LRRK1: variants seen among roughly 807,000 people sequenced by gnomAD.
LRRK1 encodes leucine rich repeat kinase 1.
LRRK1 carries 113 observed loss-of-function variants against 209.1 expected under a neutral mutation model. The observed-to-expected ratio is 0.54, with a 90% CI of 0.46 to 0.63. The LOEUF is 0.63. Among genes scored for constraint, LRRK1 ranks in the 30% least tolerant of loss-of-function variants. LRRK1 has a pLI of 0.00. For missense variants in LRRK1, 2,284 were observed against 2,632.2 expected, an observed-to-expected ratio of 0.87 and a Z score of 2.89; for synonymous variants, 1,144 against 1,099.7, an observed-to-expected ratio of 1.04 and a Z score of -0.80.
chr15:100,970,662 C>A (rs1403403495), intron 2 of LRRK1, among the ~76,000 whole-genome samples: 1 of 152,180 alleles, frequency 6.6e-6, no homozygotes, highest in East Asian at 1.9e-4. Flanking sequence ...TATTCTAGGT[C>A]TTTCAAATTT....
intron 2 of LRRK1, among the ~76,000 whole-genome samples, chr15:100,929,035 G>A (rs2042163239): frequency 1.3e-5 from 2 of 152,204 alleles, no homozygotes; most frequent in South Asian, 4.1e-4. Flanking sequence ...ATGAGATGCT[G>A]GGCATGGGCT....
chr15:101,038,749 C>T (rs1350410284), intron 20 of LRRK1, among the ~76,000 whole-genome samples: 1 of 152,220 alleles, frequency 6.6e-6, no homozygotes, highest in East Asian at 1.9e-4. Flanking sequence ...TTTGCCTCTT[C>T]TCAGTGTCAG....
intron 2 of LRRK1, among the ~76,000 whole-genome samples, chr15:100,967,349 T>C (rs965081545): frequency 6.6e-6 from 1 of 152,240 alleles, no homozygotes; most frequent in South Asian, 2.1e-4. Flanking sequence ...GACACAGCAA[T>C]TCTGTGTTGG....
chr15:100,946,549 A>C (rs2042542927), intron 2 of LRRK1, among the ~76,000 whole-genome samples: 1 of 152,122 alleles, frequency 6.6e-6, no homozygotes, highest in African/African-American at 2.4e-5. Flanking sequence ...TCTCACTCCC[A>C]CTCCAACATC....
intron 30 of LRRK1, chr15:101,062,353 G>A (rs2925203): frequency 2.2e-6 from 1 of 457,496 alleles, no homozygotes; most frequent in Non-Finnish European, 3.9e-6. Context: ...GGGAATAGAT[G>A]ACGGGCTATT....
chr15:100,987,555 T>A (rs1474804690), intron 4 of LRRK1, among the ~76,000 whole-genome samples: 3 of 152,178 alleles, frequency 2.0e-5, no homozygotes, highest in African/African-American at 7.2e-5. Context: ...GCTTTTATTA[T>A]TATTATTCAT....
At chr15:100,937,786 C>T (rs1264801933) in intron 2 of LRRK1, among the ~76,000 whole-genome samples, 1 of 152,092 alleles carries the variant, frequency 6.6e-6, no homozygotes, top group Non-Finnish European at 1.5e-5. Flanking sequence ...CCGCCCGTCT[C>T]GGCCTCCCAA....
At chr15:100,926,549 C>T (rs2042114008) in intron 2 of LRRK1, among the ~76,000 whole-genome samples, 1 of 143,152 alleles carries the variant, frequency 7.0e-6, no homozygotes, top group African/African-American at 2.6e-5. Context: ...GTGGCTCAAA[C>T]CGGCAGGGCC....
chr15:100,960,967 A>T (rs1169769274), intron 2 of LRRK1, among the ~76,000 whole-genome samples: 1 of 152,210 alleles, frequency 6.6e-6, no homozygotes, highest in African/African-American at 2.4e-5. Flanking sequence ...TTAGGTGCTG[A>T]ATAAGAGTCT....
chr15:101,009,876 G>A (rs775973133), intron 7 of LRRK1, among the ~76,000 whole-genome samples: 11 of 152,162 alleles, frequency 7.2e-5, no homozygotes, highest in Non-Finnish European at 1.6e-4. Context: ...ATGAGCCACC[G>A]CACCTGGCCT....
chr15:100,933,463 T>C (rs7165387), intron 2 of LRRK1, among the ~76,000 whole-genome samples: 7,132 of 152,262 alleles, frequency 0.047, 469 homozygotes, highest in African/African-American at 0.15. Flanking sequence ...GGAACTCCTA[T>C]TAATTAAGAT....
intron 2 of LRRK1, 122 bp downstream of exon 2, chr15:100,924,851 G>T: frequency 1.5e-6 from 1 of 653,336 alleles, no homozygotes; most frequent in Non-Finnish European, 2.7e-6. Context: ...TCCATCATTT[G>T]GTGCTCTTTC....
At chr15:100,992,951 G>A (rs1211002779) in intron 6 of LRRK1, among the ~76,000 whole-genome samples, 3 of 152,160 alleles carry the variant, frequency 2.0e-5, no homozygotes, top group African/African-American at 4.8e-5. Context: ...ATGAGCCACC[G>A]TGCCCGGCCC....
intron 20 of LRRK1, among the ~76,000 whole-genome samples, chr15:101,030,536 C>T (rs2034234926): frequency 6.6e-6 from 1 of 152,160 alleles, no homozygotes; most frequent in African/African-American, 2.4e-5. Flanking sequence ...CCTGCCTTCT[C>T]TCCTCTGCTG....
chr15:101,015,909 G>A (rs1366725473), intron 12 of LRRK1, among the ~76,000 whole-genome samples: 4 of 152,106 alleles, frequency 2.6e-5, no homozygotes, highest in Non-Finnish European at 5.9e-5. Flanking sequence ...AGGGGCTTGC[G>A]AGGGCCTTCT....
intron 24 of LRRK1, among the ~76,000 whole-genome samples, chr15:101,052,656 G>A (rs1050031980): frequency 6.6e-6 from 1 of 152,222 alleles, no homozygotes. Flanking sequence ...ACTTCTGTGG[G>A]GTTCACCCTG....
chr15:100,966,229 G>A (rs1403667030), intron 2 of LRRK1, among the ~76,000 whole-genome samples: 1 of 152,164 alleles, frequency 6.6e-6, no homozygotes, highest in African/African-American at 2.4e-5. Flanking sequence ...ATTATCTCTA[G>A]GAAAAGGTGC....
chr15:101,075,413 A>AT lies in LRRK1; in HGVS notation c.*6566dup, dbSNP rs1555485554. 1.6e-5 allele frequency: 2 copies of AT among 121,274 alleles called. No individual in the cohort carries two copies. The highest frequency in any genetic ancestry group is 2.7e-4 in the South Asian group (1 of 3,704). The allele number at this position is 121,274 out of a possible 1,614,324, so 7.5% of individuals were successfully genotyped here. A position where few individuals can be genotyped will look rare whatever the true frequency, so the allele number is the denominator to read the frequency against. The stretch of plus-strand genomic sequence containing the variant: ...AGCCTCCTTTGTGTCCTCCTCTTGT[A>AT]TCCCCCGACCTTAACCCATAAGTAT... On this transcript the variant is annotated 3_prime_UTR_variant, in exon 34 of 34. Transcript: ENST00000388948.
chr15:100,932,166 A>G (rs2042224446), intron 2 of LRRK1, among the ~76,000 whole-genome samples: 1 of 152,110 alleles, frequency 6.6e-6, no homozygotes. Context: ...TTGTATTTTT[A>G]GTAGAGATGG....
Sources: allele counts gnomAD v4.1 joint callset (sites outside exome capture counted in the v4.1 genomes callset), GRCh38; gene constraint gnomAD v4.1.1; transcripts MANE v1.5; gene names NCBI Gene and HGNC (gene_info 2026-07-23, HGNC 2026-07-21).